The following AUTS2 variants were observed in gnomAD, a reference collection of about 807,000 sequenced individuals.
AUTS2 encodes autism susceptibility gene 2 protein.
A neutral mutation model predicts 112.4 loss-of-function variants in AUTS2; 17 were observed. The observed-to-expected ratio is 0.15, with a 90% CI of 0.10 to 0.23. The LOEUF (loss-of-function observed/expected upper bound fraction) is 0.23, where lower values mean the gene tolerates loss of function less well. Among genes scored for constraint, AUTS2 ranks in the 10% least tolerant of loss-of-function variants. The pLI, the probability that AUTS2 is intolerant of heterozygous loss-of-function variation, is 1.00. For synonymous variants in AUTS2, 751 were observed against 702.7 expected, an observed-to-expected ratio of 1.07 and a Z score of -1.09; for missense variants, 1,510 against 1,701.6, an observed-to-expected ratio of 0.89 and a Z score of 1.98.
chr7:70,648,392 C>T (rs770226159), intron 5 of AUTS2, among the ~76,000 whole-genome samples: 1 of 152,140 alleles, frequency 6.6e-6, no homozygotes, highest in African/African-American at 2.4e-5. Context: ...TGCCATGGTG[C>T]TTTCAGGGAC....
At chr7:69,893,974 G>A (rs542606047) in intron 1 of AUTS2, among the ~76,000 whole-genome samples, 4 of 152,112 alleles carry the variant, frequency 2.6e-5, no homozygotes, top group South Asian at 2.1e-4. Flanking sequence ...AGAAGGCGGG[G>A]TGTTGAAGGA....
At chr7:70,213,847 G>A (rs1811043614) in intron 4 of AUTS2, among the ~76,000 whole-genome samples, 1 of 152,146 alleles carries the variant, frequency 6.6e-6, no homozygotes, top group Admixed American at 6.5e-5. Context: ...AGTGGCCTTA[G>A]CAAATATTAT....
intron 2 of AUTS2, among the ~76,000 whole-genome samples, chr7:70,107,539 T>C (rs1804835883): frequency 6.7e-6 from 1 of 149,410 alleles, no homozygotes; most frequent in Non-Finnish European, 1.5e-5. Context: ...AGATGGGGTT[T>C]CACCTTATTG....
chr7:70,628,830 G>C (rs1484631526), intron 5 of AUTS2, among the ~76,000 whole-genome samples: 1 of 152,112 alleles, frequency 6.6e-6, no homozygotes, highest in African/African-American at 2.4e-5. Flanking sequence ...AAACGGGCAG[G>C]AGACCTCTGG....
chr7:70,560,117 C>T (rs1262051902), intron 5 of AUTS2, among the ~76,000 whole-genome samples: 2 of 152,282 alleles, frequency 1.3e-5, no homozygotes, highest in African/African-American at 2.4e-5. Flanking sequence ...TGCTCTATCC[C>T]GTTATATAGA....
intron 8 of AUTS2, 143 bp from the exon 9 acceptor site, chr7:70,765,971 T>TA (rs1224981168): frequency 1.4e-6 from 2 of 1,405,702 alleles, no homozygotes; most frequent in Non-Finnish European, 1.9e-6. Context: ...GCTTCATTGA[T>TA]TGCCCCCGTT....
chr7:69,632,458 G>T (rs1476161197), intron 1 of AUTS2, among the ~76,000 whole-genome samples: 2 of 152,032 alleles, frequency 1.3e-5, no homozygotes, highest in Non-Finnish European at 2.9e-5. Context: ...CGTAAAAGTG[G>T]ATTATGAGGT....
intron 4 of AUTS2, among the ~76,000 whole-genome samples, chr7:70,231,227 G>A (rs1453307316): frequency 6.6e-6 from 1 of 152,128 alleles, no homozygotes; most frequent in African/African-American, 2.4e-5. Flanking sequence ...TTGTTGTTTA[G>A]AAACATACAT....
chr7:70,220,593 T>A (rs891479601), intron 4 of AUTS2, among the ~76,000 whole-genome samples: 9 of 152,182 alleles, frequency 5.9e-5, no homozygotes, highest in Non-Finnish European at 1.2e-4. Flanking sequence ...TCACTTCAGC[T>A]GATTTAGGTG....
intron 5 of AUTS2, among the ~76,000 whole-genome samples, chr7:70,685,763 T>A (rs1808444820): frequency 6.6e-6 from 1 of 152,110 alleles, no homozygotes; most frequent in Non-Finnish European, 1.5e-5. Context: ...CTAAAATGCC[T>A]CTTACCTAGA....
chr7:70,508,284 A>G (rs1799050386), intron 5 of AUTS2, among the ~76,000 whole-genome samples: 1 of 151,796 alleles, frequency 6.6e-6, no homozygotes, highest in Admixed American at 6.6e-5. Context: ...GGGGGTAGGG[A>G]GAGAAGGAAA....
chr7:69,907,360 C>T (rs1795188597), intron 2 of AUTS2, among the ~76,000 whole-genome samples: 1 of 152,166 alleles, frequency 6.6e-6, no homozygotes, highest in South Asian at 2.1e-4. Context: ...TATTTGTTCT[C>T]TTGAACTTTG....
intron 4 of AUTS2, among the ~76,000 whole-genome samples, chr7:70,165,594 C>T (rs1213947850): frequency 6.6e-6 from 1 of 152,092 alleles, no homozygotes; most frequent in Non-Finnish European, 1.5e-5. Context: ...AAGTCTTCGT[C>T]AGATGAAGCA....
chr7:70,728,230 C>T (rs1370471285), intron 6 of AUTS2, among the ~76,000 whole-genome samples: 1 of 152,158 alleles, frequency 6.6e-6, no homozygotes, highest in African/African-American at 2.4e-5. Flanking sequence ...TGCTATTACT[C>T]TGAGATTTTC....
chr7:70,701,514 C>T (rs905583908), intron 6 of AUTS2, among the ~76,000 whole-genome samples: 8 of 152,128 alleles, frequency 5.3e-5, no homozygotes, highest in African/African-American at 1.4e-4. Flanking sequence ...GTTTGTTCAT[C>T]GATTTTATTT....
intron 5 of AUTS2, among the ~76,000 whole-genome samples, chr7:70,450,823 T>C (rs148321337): frequency 0.011 from 1,610 of 152,190 alleles, 12 homozygotes; most frequent in Non-Finnish European, 0.015. Context: ...TTTAGAGGCA[T>C]TTCTGAAGTG....
intron 1 of AUTS2, among the ~76,000 whole-genome samples, chr7:69,853,607 C>A (rs142417796): frequency 9.3e-4 from 142 of 152,084 alleles, no homozygotes; most frequent in African/African-American, 3.2e-3. Context: ...AGTCACTGTA[C>A]CTTTAATGAA....
intron 2 of AUTS2, among the ~76,000 whole-genome samples, chr7:70,049,241 G>C (rs1358338361): frequency 6.6e-6 from 1 of 152,158 alleles, no homozygotes; most frequent in Non-Finnish European, 1.5e-5. Flanking sequence ...GAACAATCCA[G>C]TAGTGTTGTC....
intron 2 of AUTS2, among the ~76,000 whole-genome samples, chr7:70,105,794 A>G (rs1489695933): frequency 6.6e-6 from 1 of 152,154 alleles, no homozygotes; most frequent in Non-Finnish European, 1.5e-5. Flanking sequence ...GTTAATTGCC[A>G]GGTGTGTAGA....
Sources: allele counts gnomAD v4.1 joint callset (sites outside exome capture counted in the v4.1 genomes callset), GRCh38; gene constraint gnomAD v4.1.1; transcripts MANE v1.5; gene names NCBI Gene and HGNC (gene_info 2026-07-23, HGNC 2026-07-21).